Variants in CSMD1 observed in about 807,000 individuals in gnomAD.
The protein encoded by CSMD1 is CUB and Sushi multiple domains 1.
In CSMD1, 213 loss-of-function variants were observed where a neutral mutation model predicts 417.5. That is an observed-to-expected ratio of 0.51 (90% confidence interval 0.46 to 0.57). The LOEUF (loss-of-function observed/expected upper bound fraction) is 0.57. CSMD1 is among the 20% of genes least tolerant of loss of function. The pLI is 0.00. For synonymous variants in CSMD1, 2,862 were observed against 1,736.8 expected (o/e 1.65, Z -16.11); for missense variants, 6,923 against 4,529.7 (o/e 1.53, Z -15.17).
At chr8:3,624,157 G>C (rs926317324) in intron 7 of CSMD1, among the ~76,000 whole-genome samples, 9 of 152,024 alleles carry the variant, frequency 5.9e-5, no homozygotes, top group Admixed American at 1.3e-4. Context: ...AATACACTGA[G>C]CATCCAAAAG....
At chr8:4,295,750 G>GTGTGTATA (rs1175477762) in intron 3 of CSMD1, among the ~76,000 whole-genome samples, 1 of 34,238 alleles carries the variant, frequency 2.9e-5, no homozygotes, top group African/African-American at 6.4e-5. Context: ...ATGTGTGTGT[G>GTGTGTATA]TATATATATA....
chr8:4,607,464 G>A (rs1209691796), intron 2 of CSMD1, among the ~76,000 whole-genome samples: 1 of 152,104 alleles, frequency 6.6e-6, no homozygotes, highest in Non-Finnish European at 1.5e-5. Flanking sequence ...TGAAGCTAGG[G>A]CCTGATACGA....
chr8:3,426,389 C>G (rs989573262), intron 12 of CSMD1, among the ~76,000 whole-genome samples: 4 of 152,128 alleles, frequency 2.6e-5, no homozygotes, highest in African/African-American at 9.7e-5. Context: ...CCTTTTGGAT[C>G]TAATTTAGCT....
chr8:3,957,122 C>G (rs1034984039), intron 5 of CSMD1, among the ~76,000 whole-genome samples: 1 of 124,704 alleles, frequency 8.0e-6, no homozygotes, highest in Admixed American at 8.7e-5. Flanking sequence ...GTTCCTGCTC[C>G]TAATGCCCTG....
At chr8:4,748,289 C>T (rs1318944767) in intron 1 of CSMD1, among the ~76,000 whole-genome samples, 1 of 152,230 alleles carries the variant, frequency 6.6e-6, no homozygotes, top group Admixed American at 6.5e-5. Flanking sequence ...AATCATCATC[C>T]TTTCTACAAG....
chr8:3,087,427 A>G, intron 48 of CSMD1, 142 bp from the exon 49 acceptor site: 10 of 839,276 alleles, frequency 1.2e-5, no homozygotes, highest in Non-Finnish European at 1.9e-5. Context: ...GTTTGTTCTA[A>G]AGAGCATTCC....
intron 3 of CSMD1, among the ~76,000 whole-genome samples, chr8:4,243,831 T>C (rs1296419619): frequency 6.6e-6 from 1 of 152,148 alleles, no homozygotes; most frequent in Admixed American, 6.5e-5. Context: ...AACAAAGATG[T>C]ATAAGAAAAC....
intron 17 of CSMD1, among the ~76,000 whole-genome samples, chr8:3,393,982 G>A (rs1446409332): frequency 2.1e-4 from 3 of 14,620 alleles, no homozygotes; most frequent in South Asian, 5.7e-3. Flanking sequence ...AGAACTTAAC[G>A]TATAATAATA....
chr8:4,006,579 G>A (rs1585120108), intron 4 of CSMD1, among the ~76,000 whole-genome samples: 1 of 152,214 alleles, frequency 6.6e-6, no homozygotes, highest in South Asian at 2.1e-4. Flanking sequence ...CAATATTCTT[G>A]GGATGTTAGT....
At chr8:3,128,933 AG>A (rs1394269709) in intron 41 of CSMD1, 2 of 435,968 alleles carry the variant, frequency 4.6e-6, no homozygotes, top group African/African-American at 2.1e-5. Flanking sequence ...AGCAGATCTA[AG>A]GGTATCTCAC....
At chr8:4,487,643 G>T (rs138235657) in intron 2 of CSMD1, among the ~76,000 whole-genome samples, 2 of 152,034 alleles carry the variant, frequency 1.3e-5, no homozygotes, top group South Asian at 2.1e-4. Flanking sequence ...GCACACCCTT[G>T]ATTTTGTTTC....
chr8:3,993,241 A>G (rs1409884464), intron 5 of CSMD1, among the ~76,000 whole-genome samples: 1 of 152,258 alleles, frequency 6.6e-6, no homozygotes, highest in South Asian at 2.1e-4. Context: ...AAATGAATTC[A>G]AAATAATAAC....
At chr8:4,692,122 C>A (rs754720985) in intron 1 of CSMD1, among the ~76,000 whole-genome samples, 2 of 152,012 alleles carry the variant, frequency 1.3e-5, no homozygotes, top group Non-Finnish European at 2.9e-5. Context: ...GGTACTCAGC[C>A]CAGGGGCTCC....
intron 3 of CSMD1, among the ~76,000 whole-genome samples, chr8:4,196,453 A>T (rs1282796794): frequency 6.6e-6 from 1 of 152,248 alleles, no homozygotes; most frequent in African/African-American, 2.4e-5. Flanking sequence ...CTCTTAGGGA[A>T]AATCTGTCCA....
intron 6 of CSMD1, among the ~76,000 whole-genome samples, chr8:3,741,278 T>A (rs539637879): frequency 1.6e-3 from 230 of 140,862 alleles, no homozygotes; most frequent in Non-Finnish European, 2.8e-3. Flanking sequence ...TATGACTCCA[T>A]GCGGTAGAGT....
At chr8:4,066,756 A>G (rs1345228200) in intron 3 of CSMD1, among the ~76,000 whole-genome samples, 1 of 152,154 alleles carries the variant, frequency 6.6e-6, no homozygotes, top group Non-Finnish European at 1.5e-5. Context: ...TCCAAACCAC[A>G]AGCAAATACG....
intron 50 of CSMD1, among the ~76,000 whole-genome samples, chr8:3,044,155 T>G (rs13274152): frequency 0.18 from 27,274 of 152,200 alleles, 3,052 homozygotes; most frequent in Non-Finnish European, 0.25. Context: ...CTAAGTATCT[T>G]TAGCCCAAAT....
chr8:3,969,180 G>T (rs1812901740), intron 5 of CSMD1, among the ~76,000 whole-genome samples: 3 of 152,154 alleles, frequency 2.0e-5, no homozygotes, highest in African/African-American at 7.2e-5. Context: ...AACCTGGGAG[G>T]CAGTGGTTGC....
At chr8:4,442,084 G>A (rs76697494) in intron 2 of CSMD1, among the ~76,000 whole-genome samples, 1 of 152,090 alleles carries the variant, frequency 6.6e-6, no homozygotes, top group Non-Finnish European at 1.5e-5. Flanking sequence ...AGTTTGAGTT[G>A]TAGAAACACG....
Sources: gnomAD v4.1 joint callset for allele counts (sites outside exome capture counted in the v4.1 genomes callset) on GRCh38, gnomAD v4.1.1 for gene constraint, MANE v1.5 for transcripts, NCBI Gene and HGNC (gene_info 2026-07-23, HGNC 2026-07-21) for gene names.